The following COBLL1 variants were observed in gnomAD, a reference collection of about 807,000 sequenced individuals.
The protein encoded by COBLL1 is cordon-bleu WH2 repeat protein like 1, also known as cordon-bleu protein-like 1.
A neutral mutation model predicts 94.8 loss-of-function variants in COBLL1; 50 were observed. That is an observed-to-expected ratio of 0.53 (90% CI 0.42 to 0.67). The LOEUF (loss-of-function observed/expected upper bound fraction) is 0.67. Ranked by LOEUF, COBLL1 falls within the 30% of genes least tolerant of loss-of-function variation. The pLI, the probability that COBLL1 is intolerant of heterozygous loss-of-function variation, is 0.00. For missense variants in COBLL1, 1,362 were observed against 1,348.7 expected (o/e 1.01, Z -0.15); for synonymous variants, 448 against 473.8 (o/e 0.95, Z 0.71).
chr2:164,737,594 TA>T (rs769019923), intron 3 of COBLL1, among the ~76,000 whole-genome samples: 20 of 149,828 alleles, frequency 1.3e-4, no homozygotes, highest in Admixed American at 3.3e-4. Context: ...TTTTGACAGT[TA>T]AAAAAAAATT....
At chr2:164,833,696 C>G (rs935434856) in intron 2 of COBLL1, among the ~76,000 whole-genome samples, 7 of 152,070 alleles carry the variant, frequency 4.6e-5, no homozygotes, top group Non-Finnish European at 1.0e-4. Context: ...AAGATCCAAC[C>G]ACCTCGGCCT....
intron 2 of COBLL1, among the ~76,000 whole-genome samples, chr2:164,780,301 G>T (rs1688673312): frequency 6.6e-6 from 1 of 152,130 alleles, no homozygotes; most frequent in African/African-American, 2.4e-5. Context: ...CTGACACGGA[G>T]GGTTCTACTG....
chr2:164,716,497 A>T (rs1256528412), intron 7 of COBLL1, among the ~76,000 whole-genome samples: 1 of 152,198 alleles, frequency 6.6e-6, no homozygotes, highest in Non-Finnish European at 1.5e-5. Context: ...GAAAAATGAC[A>T]TGAGACTTGA....
downstream of COBLL1, among the ~76,000 whole-genome samples, chr2:164,678,929 C>A (rs372731921): frequency 1.2e-4 from 19 of 152,244 alleles, 1 homozygote; most frequent in East Asian, 2.3e-3. Flanking sequence ...AATAAAGGAA[C>A]AAACTTGTCA....
At position 164,764,821 on chromosome 2, in the gene COBLL1, T is replaced by C. The variant is rs142727381; in HGVS notation, c.42-20946A>G. ...ATTTTAAAAATCCATGAGTTATTAA[T>C]AATAAAAACTAAATAGTCATTATGA... On this transcript the variant is annotated intron_variant, in intron 2 of 13. Transcript: ENST00000652658. Among the ~76,000 whole-genome samples the C allele has an allele frequency of 5.2e-3, 794 of 152,264 alleles. 12 individuals are homozygous for C. The highest frequency in any genetic ancestry group is 0.018 in the African/African-American group (733 of 41,540).
chr2:164,785,037 T>C (rs1688889869), intron 2 of COBLL1, among the ~76,000 whole-genome samples: 1 of 152,146 alleles, frequency 6.6e-6, no homozygotes, highest in Non-Finnish European at 1.5e-5. Flanking sequence ...GCTCTCTTGC[T>C]CTTCTGCCTT....
At chr2:164,807,974 C>T (rs1684263764) in intron 2 of COBLL1, among the ~76,000 whole-genome samples, 1 of 152,086 alleles carries the variant, frequency 6.6e-6, no homozygotes, top group Non-Finnish European at 1.5e-5. Flanking sequence ...CATGCACCAC[C>T]ACGCCCAGCT....
chr2:164,774,483 C>T (rs1688365647), intron 2 of COBLL1, among the ~76,000 whole-genome samples: 1 of 152,146 alleles, frequency 6.6e-6, no homozygotes, highest in Admixed American at 6.5e-5. Flanking sequence ...TCCGATTTTT[C>T]CAGAATGTTC....
chr2:164,679,962 A>G (rs1682964729), downstream of COBLL1, among the ~76,000 whole-genome samples: 3 of 151,540 alleles, frequency 2.0e-5, no homozygotes, highest in South Asian at 6.2e-4. Flanking sequence ...AATAATAATA[A>G]TACTGTGCTC....
intron 2 of COBLL1, among the ~76,000 whole-genome samples, chr2:164,772,346 A>G (rs1221274774): frequency 2.0e-5 from 3 of 152,016 alleles, no homozygotes; most frequent in Admixed American, 2.0e-4. Flanking sequence ...CATTTGAATT[A>G]TATAAGTTAG....
At chr2:164,770,737 C>G (rs1042669637) in intron 2 of COBLL1, among the ~76,000 whole-genome samples, 2 of 152,048 alleles carry the variant, frequency 1.3e-5, no homozygotes, top group Non-Finnish European at 2.9e-5. Context: ...ATAGGTGGAC[C>G]TAGAAACAAA....
intron 10 of COBLL1, 119 bp downstream of exon 10, chr2:164,700,403 G>C: frequency 1.6e-6 from 1 of 615,602 alleles, no homozygotes; most frequent in Non-Finnish European, 2.8e-6. Flanking sequence ...TGGTAAAAAG[G>C]ATAAAGTCAA....
intron 2 of COBLL1, among the ~76,000 whole-genome samples, chr2:164,806,176 C>T (rs549861609): frequency 5.3e-5 from 8 of 151,950 alleles, no homozygotes; most frequent in Admixed American, 4.6e-4. Context: ...AAAACTCCAA[C>T]GTCACTCCTT....
chr2:164,758,146 T>C (rs1321446767), intron 2 of COBLL1, among the ~76,000 whole-genome samples: 2 of 152,092 alleles, frequency 1.3e-5, no homozygotes, highest in African/African-American at 2.4e-5. Flanking sequence ...GCACCCACTG[T>C]GTACTTAGTG....
chr2:164,782,165 T>C (rs966414251), intron 2 of COBLL1, among the ~76,000 whole-genome samples: 6 of 152,200 alleles, frequency 3.9e-5, no homozygotes, highest in African/African-American at 7.2e-5. Context: ...AAAATCTTGA[T>C]GGCTGGCTTC....
intron 2 of COBLL1, among the ~76,000 whole-genome samples, chr2:164,753,289 T>C (rs990794834): frequency 6.6e-6 from 1 of 152,160 alleles, no homozygotes; most frequent in Non-Finnish European, 1.5e-5. Context: ...TTATTTTACA[T>C]TTCAACACCT....
chr2:164,733,258 A>G (rs561566017), intron 3 of COBLL1, among the ~76,000 whole-genome samples: 1 of 152,302 alleles, frequency 6.6e-6, no homozygotes, highest in East Asian at 1.9e-4. Flanking sequence ...TAATTTTCTA[A>G]TCTAATAAAT....
intron 2 of COBLL1, among the ~76,000 whole-genome samples, chr2:164,811,428 C>T (rs147198948): frequency 3.3e-5 from 5 of 151,854 alleles, no homozygotes; most frequent in East Asian, 1.9e-4. Context: ...TTTAACTGGC[C>T]GTGATTGTCT....
chr2:164,710,281 GA>G (rs1684820033), intron 7 of COBLL1, among the ~76,000 whole-genome samples: 1 of 152,026 alleles, frequency 6.6e-6, no homozygotes, highest in South Asian at 2.1e-4. Flanking sequence ...AAGTCTGCAG[GA>G]AAAGAAGGGA....
Sources: gnomAD v4.1 joint callset for allele counts (sites outside exome capture counted in the v4.1 genomes callset) on GRCh38, gnomAD v4.1.1 for gene constraint, MANE v1.5 for transcripts, NCBI Gene and HGNC (gene_info 2026-07-23, HGNC 2026-07-21) for gene names.